Variants in SLC24A3 observed in about 807,000 individuals in gnomAD.
SLC24A3 encodes the protein solute carrier family 24 member 3.
A neutral mutation model predicts 75.8 loss-of-function variants in SLC24A3; 28 were observed. That is an observed-to-expected ratio of 0.37 (90% CI 0.27 to 0.51). The LOEUF is 0.51. Among genes scored for constraint, SLC24A3 ranks in the 20% least tolerant of loss-of-function variants. The pLI is 0.94. For missense variants in SLC24A3, 663 were observed against 847.8 expected, an observed-to-expected ratio of 0.78 and a Z score of 2.71; for synonymous variants, 372 against 334.1, an observed-to-expected ratio of 1.11 and a Z score of -1.24.
At chr20:19,276,932 C>T (rs532834475) in intron 1 of SLC24A3, among the ~76,000 whole-genome samples, 3 of 152,210 alleles carry the variant, frequency 2.0e-5, no homozygotes, top group African/African-American at 7.2e-5. Context: ...CTTATATATG[C>T]CCTCCGACGC....
intron 2 of SLC24A3, among the ~76,000 whole-genome samples, chr20:19,424,767 A>C (rs1986976466): frequency 1.3e-5 from 2 of 148,636 alleles, no homozygotes; most frequent in Non-Finnish European, 3.0e-5. Flanking sequence ...AAAAAAAAAA[A>C]AAAACTTGAG....
chr20:19,606,529 A>G (rs920261403), intron 6 of SLC24A3, among the ~76,000 whole-genome samples: 7 of 152,206 alleles, frequency 4.6e-5, no homozygotes, highest in Non-Finnish European at 1.0e-4. Context: ...AATCTGGATG[A>G]CTGCTTTGCA....
intron 2 of SLC24A3, among the ~76,000 whole-genome samples, chr20:19,397,369 C>T (rs1439541415): frequency 2.6e-5 from 4 of 152,064 alleles, no homozygotes; most frequent in Non-Finnish European, 4.4e-5. Context: ...TTTGAGATGG[C>T]GTTATCTTGA....
At chr20:19,335,546 T>C (rs1985111954) in intron 2 of SLC24A3, among the ~76,000 whole-genome samples, 3 of 152,180 alleles carry the variant, frequency 2.0e-5, no homozygotes, top group Non-Finnish European at 4.4e-5. Flanking sequence ...TAAAGGCTGC[T>C]CAGGTAAATA....
At chr20:19,481,693 T>C (rs776991477) in intron 2 of SLC24A3, among the ~76,000 whole-genome samples, 2 of 152,078 alleles carry the variant, frequency 1.3e-5, no homozygotes, top group African/African-American at 2.4e-5. Flanking sequence ...TCCAGGGGGA[T>C]TCCCTGGAGA....
chr20:19,354,265 T>C (rs1985632202), intron 2 of SLC24A3, among the ~76,000 whole-genome samples: 1 of 151,904 alleles, frequency 6.6e-6, no homozygotes, highest in Non-Finnish European at 1.5e-5. Context: ...AAAAAATAAT[T>C]TAAAAACATG....
In SLC24A3 at chr20:19,721,227, G is replaced by A. The variant is rs893957129; in HGVS notation, c.*87G>A. On this transcript the variant is annotated 3_prime_UTR_variant, in exon 17 of 17. Transcript: ENST00000328041. Reference sequence around the variant, plus strand: ...ACCCCGAGTCACACAGGCCCCCGGGGCCACGGCGTTCGTCTCTCCTGTGCT... The same window carrying A: ...ACCCCGAGTCACACAGGCCCCCGGGACCACGGCGTTCGTCTCTCCTGTGCT... The A allele has an allele frequency of 4.5e-6, 7 of 1,543,512 alleles. No homozygotes were observed. In the African/African-American group the frequency reaches 8.2e-5, roughly 18 times the overall value.
intron 2 of SLC24A3, among the ~76,000 whole-genome samples, chr20:19,345,631 A>G (rs886120237): frequency 3.9e-5 from 6 of 152,214 alleles, no homozygotes. Flanking sequence ...GGCTAAGGAC[A>G]TAAATAGACA....
intron 14 of SLC24A3, 65 bp from the exon 15 acceptor site, chr20:19,698,503 G>C (rs2032836370): frequency 8.7e-7 from 1 of 1,155,864 alleles, no homozygotes; most frequent in African/African-American, 1.5e-5. Flanking sequence ...CTAAAGGCTT[G>C]GGAGAGTCCT....
At chr20:19,504,705 T>A (rs1400110544) in intron 2 of SLC24A3, among the ~76,000 whole-genome samples, 3 of 152,240 alleles carry the variant, frequency 2.0e-5, no homozygotes, top group South Asian at 2.1e-4. Context: ...ATTCTGTCTC[T>A]GATGTTGGCA....
chr20:19,395,221 G>A (rs1322763309), intron 2 of SLC24A3, among the ~76,000 whole-genome samples: 2 of 152,180 alleles, frequency 1.3e-5, no homozygotes, highest in Non-Finnish European at 2.9e-5. Context: ...AATGGTCATA[G>A]AGTTTCAGGT....
intron 1 of SLC24A3, among the ~76,000 whole-genome samples, chr20:19,271,749 C>T (rs939959418): frequency 1.3e-5 from 2 of 152,076 alleles, no homozygotes; most frequent in African/African-American, 4.8e-5. Context: ...GAAAACCAAA[C>T]ATTGTATGTT....
intron 2 of SLC24A3, among the ~76,000 whole-genome samples, chr20:19,305,895 A>G (rs1188709456): frequency 2.0e-5 from 3 of 152,230 alleles, no homozygotes; most frequent in Admixed American, 2.0e-4. Flanking sequence ...TAATTAAACT[A>G]AAGAGCTTCT....
chr20:19,398,078 C>T (rs899480974), intron 2 of SLC24A3, among the ~76,000 whole-genome samples: 1 of 152,064 alleles, frequency 6.6e-6, no homozygotes, highest in African/African-American at 2.4e-5. Flanking sequence ...TTTTACTTAT[C>T]TCAGGAATTA....
rs138521492 is a variant in SLC24A3 at position 19,717,288 on chromosome 20, G to T, written c.1720-240G>T. On this transcript the variant is annotated intron_variant, in intron 15 of 16. Coordinates refer to ENST00000328041, the MANE Select transcript of SLC24A3 (RefSeq NM_020689.4). ...CTCCAGCCAGGGGCCTGCTATTGAG[G>T]GTAAGGCCAGGATGGGACTGAGAGT... Among the ~76,000 whole-genome samples the T allele has an allele frequency of 1.4e-4, 22 of 152,340 alleles. No homozygotes were observed. In the East Asian group the frequency reaches 3.5e-3, roughly 24 times the overall value.
chr20:19,486,316 G>A (rs930320538), intron 2 of SLC24A3, among the ~76,000 whole-genome samples: 1 of 152,188 alleles, frequency 6.6e-6, no homozygotes, highest in Non-Finnish European at 1.5e-5. Context: ...TTAACTACCA[G>A]AGAATTAGGG....
chr20:19,224,075 CTG>C (rs1461299419), intron 1 of SLC24A3, among the ~76,000 whole-genome samples: 2 of 151,994 alleles, frequency 1.3e-5, no homozygotes, highest in East Asian at 1.9e-4. Context: ...GAAAGTGAAA[CTG>C]AGGATAAATG....
At chr20:19,460,810 T>C (rs980880873) in intron 2 of SLC24A3, among the ~76,000 whole-genome samples, 2 of 152,150 alleles carry the variant, frequency 1.3e-5, no homozygotes, top group African/African-American at 2.4e-5. Flanking sequence ...TGTAAGTCTA[T>C]TGGCATTTAG....
intron 3 of SLC24A3, among the ~76,000 whole-genome samples, chr20:19,542,001 C>G (rs2030506751): frequency 2.0e-5 from 3 of 152,136 alleles, no homozygotes; most frequent in South Asian, 4.1e-4. Flanking sequence ...CAACGCAATA[C>G]CAAATGAGAA....
Sources: gnomAD v4.1 joint callset for allele counts (sites outside exome capture counted in the v4.1 genomes callset) on GRCh38, gnomAD v4.1.1 for gene constraint, MANE v1.5 for transcripts, NCBI Gene and HGNC (gene_info 2026-07-23, HGNC 2026-07-21) for gene names.